The following BRI3BP variants were observed in gnomAD, a reference collection of about 807,000 sequenced individuals.
The protein encoded by BRI3BP is BRI3-binding protein.
Under a neutral mutation model 15.8 loss-of-function variants are expected in BRI3BP, and 7 were observed. The observed-to-expected ratio is 0.44, with a 90% CI of 0.25 to 0.83. The LOEUF is 0.83. Ranked by LOEUF, BRI3BP falls within the 40% of genes least tolerant of loss-of-function variation. BRI3BP has a pLI of 0.20. For missense variants in BRI3BP, 320 were observed against 339.3 expected (o/e 0.94, Z 0.45); for synonymous variants, 192 against 163.5 (o/e 1.17, Z -1.33).
In BRI3BP at chr12:125,030,934, T is replaced by A. The variant is rs1955401322; in HGVS notation, c.*5504T>A. On this transcript the variant is annotated 3_prime_UTR_variant, in exon 3 of 3. Coordinates refer to ENST00000341446, the MANE Select transcript of BRI3BP (RefSeq NM_080626.6). ...AATTTGGCACTTAATATAAATCCAT[T>A]TGATTTGAATAGTGTGTGTGTGTAC... 1 of 151,868 alleles carries A rather than the reference T, an allele frequency of 6.6e-6. No individual in the cohort carries two copies. The highest frequency in any genetic ancestry group is 2.4e-5 in the African/African-American group (1 of 41,362). 9.4% of individuals were successfully genotyped at this position (151,868 alleles called of 1,614,324 possible).
chr12:124,999,549 A>G (rs1955066691), intron 1 of BRI3BP, among the ~76,000 whole-genome samples: 1 of 151,844 alleles, frequency 6.6e-6, no homozygotes, highest in Non-Finnish European at 1.5e-5. Context: ...TCAGCCTCTC[A>G]AGTAGCTGGG....
chr12:125,033,320 A>G (rs1955419768), downstream of BRI3BP, among the ~76,000 whole-genome samples: 1 of 152,180 alleles, frequency 6.6e-6, no homozygotes, highest in Admixed American at 6.5e-5. Context: ...TGAGCTCAGG[A>G]AGCAGAGGTT....
In BRI3BP at chr12:125,029,567, T is replaced by TACAC. The variant is rs1955391121; in HGVS notation, c.*4137_*4138insACAC. ...AAAAGTGTGTGTGTGTGTATATATA[T>TACAC]GTATATATATATACACACACACACA... On this transcript the variant is annotated 3_prime_UTR_variant, in exon 3 of 3. Transcript: ENST00000341446. The TACAC allele has an allele frequency of 7.0e-6, 1 of 143,058 alleles. No homozygotes were observed. The highest frequency in any genetic ancestry group is 2.0e-4 in the East Asian group (1 of 5,074). The allele number at this position is 143,058 out of a possible 1,614,324, so 8.9% of individuals were successfully genotyped here.
At chr12:125,002,882 C>T (rs966702385) in intron 1 of BRI3BP, among the ~76,000 whole-genome samples, 2 of 152,184 alleles carry the variant, frequency 1.3e-5, no homozygotes, top group Non-Finnish European at 2.9e-5. Flanking sequence ...CTTGCTGAGG[C>T]AGTACCATAT....
intron 2 of BRI3BP, among the ~76,000 whole-genome samples, chr12:125,022,920 A>G (rs1295009473): frequency 2.0e-5 from 3 of 152,226 alleles, no homozygotes; most frequent in African/African-American, 4.8e-5. Flanking sequence ...ACATCTTTCA[A>G]ATGGGTTAAT....
rs1955342716 is a variant in BRI3BP at position 125,025,308 on chromosome 12, C to CCCAGCAACA, written c.642_643insACCAGCAAC (p.Asn214_Pro215insThrSerAsn). ...CTACTGGCGAAGCAGTCCCAGCGGC[C>CCCAGCAACA]CCAGCAACCCCAGCAACCCCAGCGT... On this transcript the variant is annotated inframe_insertion, in exon 3 of 3. Transcript: ENST00000341446. 1 of 1,611,816 alleles carries CCCAGCAACA rather than the reference C, an allele frequency of 6.2e-7. No homozygotes were observed.
At chr12:125,032,179 T>G (rs573787465), downstream of BRI3BP, among the ~76,000 whole-genome samples, 12 of 152,184 alleles carry the variant, frequency 7.9e-5, no homozygotes, top group East Asian at 2.3e-3. Context: ...AATAATCATT[T>G]TGGCCGGGTG....
chr12:125,025,678 G>T lies in BRI3BP; in HGVS notation c.*248G>T. Reference sequence around the variant, plus strand: ...GGGAAAAAATATTTTTTAAACAAAGGATATAACCATATTTAGTTGTACAGT... The same window carrying T: ...GGGAAAAAATATTTTTTAAACAAAGTATATAACCATATTTAGTTGTACAGT... On this transcript the variant is annotated 3_prime_UTR_variant, in exon 3 of 3. Coordinates refer to ENST00000341446, the MANE Select transcript of BRI3BP (RefSeq NM_080626.6). 1 of 462,274 alleles carries T rather than the reference G, an allele frequency of 2.2e-6. No individual in the cohort carries two copies. Among genetic ancestry groups the T allele is most frequent in the Non-Finnish European group, 3.8e-6 (1 of 261,372 alleles). 28.6% of individuals were successfully genotyped at this position (462,274 alleles called of 1,614,324 possible).
downstream of BRI3BP, among the ~76,000 whole-genome samples, chr12:125,034,309 G>A (rs186532809): frequency 2.0e-5 from 3 of 152,280 alleles, no homozygotes; most frequent in Admixed American, 1.3e-4. Flanking sequence ...GCCTCCCAAA[G>A]TGTTGGGATT....
At chr12:125,013,017 G>A (rs986862825) in intron 2 of BRI3BP, among the ~76,000 whole-genome samples, 3 of 152,142 alleles carry the variant, frequency 2.0e-5, no homozygotes, top group Non-Finnish European at 2.9e-5. Context: ...TGAGGAATTC[G>A]AGGCTGCAGT....
At chr12:125,021,625 A>G (rs920031193) in intron 2 of BRI3BP, among the ~76,000 whole-genome samples, 2 of 152,320 alleles carry the variant, frequency 1.3e-5, no homozygotes, top group Admixed American at 6.5e-5. Context: ...ACAGTTCCAC[A>G]TGGCTGGGGA....
chr12:125,003,770 T>C (rs781111819), intron 1 of BRI3BP, among the ~76,000 whole-genome samples: 8 of 151,920 alleles, frequency 5.3e-5, no homozygotes, highest in Non-Finnish European at 1.2e-4. Flanking sequence ...CTGGCCAACA[T>C]AGTGAAACCC....
At chr12:125,012,319 A>G (rs550416497) in intron 1 of BRI3BP, among the ~76,000 whole-genome samples, 2 of 152,304 alleles carry the variant, frequency 1.3e-5, no homozygotes, top group East Asian at 3.9e-4. Flanking sequence ...CAGCCCTTGC[A>G]AGGAAGGGGT....
intron 2 of BRI3BP, among the ~76,000 whole-genome samples, chr12:125,021,930 A>G (rs562818275): frequency 9.9e-4 from 150 of 152,152 alleles, no homozygotes; most frequent in Non-Finnish European, 1.3e-3. Context: ...AAATACAAAA[A>G]TTAGCCAGCT....
intron 1 of BRI3BP, 24 bp downstream of exon 1, chr12:124,994,027 G>A (rs748376130): frequency 7.7e-7 from 1 of 1,303,368 alleles, no homozygotes; most frequent in Non-Finnish European, 9.9e-7. Context: ...CCGCGCCCGC[G>A]GTCACCTTGC....
intron 2 of BRI3BP, among the ~76,000 whole-genome samples, chr12:125,017,264 C>T (rs892045075): frequency 6.6e-6 from 1 of 151,422 alleles, no homozygotes; most frequent in Admixed American, 6.6e-5. Context: ...CCTCATGATC[C>T]ACCTGCCTCG....
chr12:125,033,737 T>TG (rs1028361988), downstream of BRI3BP, among the ~76,000 whole-genome samples: 6 of 141,574 alleles, frequency 4.2e-5, no homozygotes, highest in African/African-American at 1.4e-4. Context: ...TTTGTTTTTC[T>TG]GGTTTTTTTT....
At chr12:124,996,011 T>A (rs1955037615) in intron 1 of BRI3BP, among the ~76,000 whole-genome samples, 1 of 152,036 alleles carries the variant, frequency 6.6e-6, no homozygotes, top group South Asian at 2.1e-4. Context: ...CCTCCCAGGT[T>A]CAAGCGATCT....
chr12:125,012,960 G>T (rs1342702365), intron 2 of BRI3BP, among the ~76,000 whole-genome samples: 2 of 152,036 alleles, frequency 1.3e-5, no homozygotes, highest in African/African-American at 4.8e-5. Context: ...ATGTGCACCT[G>T]TAGTCCCCAT....
Sources: allele counts gnomAD v4.1 joint callset (sites outside exome capture counted in the v4.1 genomes callset), GRCh38; gene constraint gnomAD v4.1.1; transcripts MANE v1.5; gene names NCBI Gene and HGNC (gene_info 2026-07-23, HGNC 2026-07-21).